Variants in RPN2 observed in about 807,000 individuals in gnomAD.
RPN2 encodes ribophorin II.
A neutral mutation model predicts 71.4 loss-of-function variants in RPN2; 29 were observed. The observed-to-expected ratio is 0.41, with a 90% CI of 0.30 to 0.55. The LOEUF (loss-of-function observed/expected upper bound fraction) is 0.55, where lower values mean the gene tolerates loss of function less well. Ranked by LOEUF, RPN2 falls within the 20% of genes least tolerant of loss-of-function variation. The probability of loss-of-function intolerance (pLI) is 0.35; values close to 1 mark genes in which losing one functional copy is unlikely to be tolerated. For missense variants in RPN2, 726 were observed against 774.1 expected (o/e 0.94, Z 0.74); for synonymous variants, 308 against 305.0 (o/e 1.01, Z -0.10).
intron 2 of RPN2, among the ~76,000 whole-genome samples, chr20:37,194,787 A>G (rs1350041659): frequency 6.6e-6 from 1 of 152,148 alleles, no homozygotes; most frequent in Non-Finnish European, 1.5e-5. Flanking sequence ...CTGGTTAGAA[A>G]GGGTCTGGCG....
intron 2 of RPN2, among the ~76,000 whole-genome samples, chr20:37,195,088 G>C (rs899180274): frequency 2.6e-5 from 4 of 152,140 alleles, no homozygotes; most frequent in Admixed American, 2.0e-4. Context: ...GAAGCAAGCA[G>C]ATCGGGGGTG....
intron 15 of RPN2, among the ~76,000 whole-genome samples, chr20:37,235,659 A>AT (rs2068365555): frequency 6.6e-6 from 1 of 151,864 alleles, no homozygotes; most frequent in Non-Finnish European, 1.5e-5. Flanking sequence ...TTTATTTTTT[A>AT]TTTTTTTGAG....
chr20:37,202,739 C>T (rs751393050), intron 4 of RPN2, among the ~76,000 whole-genome samples: 5 of 152,136 alleles, frequency 3.3e-5, no homozygotes, highest in South Asian at 2.1e-4. Flanking sequence ...AGTGCAGATA[C>T]GTGCTACAAC....
intron 2 of RPN2, among the ~76,000 whole-genome samples, chr20:37,197,845 C>T (rs889891969): frequency 6.6e-6 from 1 of 152,168 alleles, no homozygotes; most frequent in African/African-American, 2.4e-5. Flanking sequence ...AGTCCTGCCT[C>T]AGCCTCCCAA....
intron 16 of RPN2, 147 bp downstream of exon 16, chr20:37,236,856 A>T: frequency 2.6e-6 from 2 of 781,678 alleles, no homozygotes; most frequent in South Asian, 2.9e-5. Context: ...CAGAAGCCAG[A>T]AGCACTTTGA....
At chr20:37,190,541 C>CA (rs1486586847) in intron 2 of RPN2, among the ~76,000 whole-genome samples, 1 of 152,062 alleles carries the variant, frequency 6.6e-6, no homozygotes, top group African/African-American at 2.4e-5. Context: ...GTAGTTAGCA[C>CA]GTTGATGGCA....
intron 5 of RPN2, among the ~76,000 whole-genome samples, 155 bp downstream of exon 5, chr20:37,204,115 T>G (rs113178911): frequency 6.6e-6 from 1 of 152,258 alleles, no homozygotes; most frequent in Non-Finnish European, 1.5e-5. Context: ...TATTGTGTCC[T>G]GAGGAATATT....
intron 8 of RPN2, among the ~76,000 whole-genome samples, chr20:37,210,687 C>T (rs1158004930): frequency 2.6e-5 from 4 of 152,064 alleles, no homozygotes; most frequent in Admixed American, 6.6e-5. Context: ...CCCGCCACCA[C>T]GTCCGGCTAA....
At chr20:37,224,759 C>G (rs1434006136) in intron 10 of RPN2, among the ~76,000 whole-genome samples, 2 of 152,082 alleles carry the variant, frequency 1.3e-5, no homozygotes, top group African/African-American at 4.8e-5. Context: ...GCTATAGAGG[C>G]CAGAAGACAG....
At chr20:37,183,068 G>T (rs759302424) in intron 1 of RPN2, among the ~76,000 whole-genome samples, 16 of 152,112 alleles carry the variant, frequency 1.1e-4, no homozygotes, top group Non-Finnish European at 1.8e-4. Flanking sequence ...GTTTAGCAGA[G>T]AAATCAGACA....
chr20:37,190,483 C>T (rs554108376), intron 2 of RPN2, among the ~76,000 whole-genome samples: 6 of 152,210 alleles, frequency 3.9e-5, no homozygotes, highest in African/African-American at 9.6e-5. Context: ...GTTCTGTCAT[C>T]GGTAAGATGG....
chr20:37,230,497 G>A (rs996759248), intron 13 of RPN2, among the ~76,000 whole-genome samples: 2 of 152,196 alleles, frequency 1.3e-5, no homozygotes, highest in African/African-American at 2.4e-5. Context: ...TGTCCTGCAC[G>A]CAGGACTGTT....
chr20:37,218,965 A>G (rs2067886672), intron 9 of RPN2, among the ~76,000 whole-genome samples: 2 of 152,190 alleles, frequency 1.3e-5, no homozygotes, highest in Admixed American at 6.5e-5. Context: ...GGCTCTTATG[A>G]GTAATGCTGC....
At chr20:37,188,803 T>C (rs1417427500) in intron 2 of RPN2, among the ~76,000 whole-genome samples, 1 of 151,422 alleles carries the variant, frequency 6.6e-6, no homozygotes, top group African/African-American at 2.4e-5. Flanking sequence ...TTTTTTAATA[T>C]TTGTAGAGAC....
rs1231253326 is a variant in RPN2 at position 37,228,733 on chromosome 20, C to T, written c.1483C>T (p.Leu495Phe). ...IGDATLKNPI[L>F]WNVADVVIKF... ...AGATGCCACTTTGAAGAACCCAATC[C>T]TCTGGAATGTGGTATGTGCCTGAAT... Residue 495 changes from leucine (L) to phenylalanine (F), a missense_variant, in exon 12 of 17, where the codon CTC (leucine) becomes TTC (phenylalanine). Leu to Phe is a conservative substitution (Grantham distance 22, BLOSUM62 0). Coordinates refer to ENST00000237530, the MANE Select transcript of RPN2 (RefSeq NM_002951.5). 1 of 1,614,168 alleles carries T rather than the reference C, an allele frequency of 6.2e-7. No individual in the cohort carries two copies. Among genetic ancestry groups the T allele is most frequent in the Non-Finnish European group, 8.5e-7 (1 of 1,180,004 alleles).
rs73291757 is a variant in RPN2 at position 37,191,205 on chromosome 20, G to A, written c.207+6832G>A. Among the ~76,000 whole-genome samples, 785 of 152,250 alleles carry A rather than the reference G, an allele frequency of 5.2e-3. 5 individuals carry two copies. Among genetic ancestry groups the A allele is most frequent in the African/African-American group, 0.018 (747 of 41,544 alleles). On this transcript the variant is annotated intron_variant, in intron 2 of 16. Coordinates refer to ENST00000237530, the MANE Select transcript of RPN2 (RefSeq NM_002951.5). ...TAAAGTGTGAGCATCGGCTGGGTGCGGTGTCTCAGGCCTGTAATCTCAGCA... is the reference window on the plus strand; with the variant it reads ...TAAAGTGTGAGCATCGGCTGGGTGCAGTGTCTCAGGCCTGTAATCTCAGCA...
intron 1 of RPN2, among the ~76,000 whole-genome samples, chr20:37,180,974 T>G (rs1431247603): frequency 3.3e-5 from 5 of 152,164 alleles, no homozygotes; most frequent in African/African-American, 1.2e-4. Context: ...CTCACGCCTG[T>G]AATCCCAGCA....
intron 9 of RPN2, among the ~76,000 whole-genome samples, chr20:37,220,478 T>G (rs183766932): frequency 1.9e-4 from 29 of 152,296 alleles, no homozygotes; most frequent in Non-Finnish European, 1.5e-5. Context: ...ACCATCATTT[T>G]TGACAGTAAT....
At position 37,204,916 on chromosome 20, in the gene RPN2, A is replaced by G. The variant is rs1401838968; in HGVS notation, c.690+15A>G. The G allele has an allele frequency of 4.3e-6, 7 of 1,614,014 alleles. No homozygotes were observed. The highest frequency in any genetic ancestry group is 1.1e-5 in the South Asian group (1 of 91,074). ...CCATTAAGGAGGTACCTATCTAACA[A>G]TTTTCAGGCATGAAACCCAAAGGGG... is the stretch of plus-strand genomic sequence containing the variant. On this transcript the variant is annotated intron_variant, in intron 6 of 16. Coordinates refer to ENST00000237530, the MANE Select transcript of RPN2 (RefSeq NM_002951.5).
Sources: allele counts gnomAD v4.1 joint callset (sites outside exome capture counted in the v4.1 genomes callset), GRCh38; gene constraint gnomAD v4.1.1; transcripts MANE v1.5; gene names NCBI Gene and HGNC (gene_info 2026-07-23, HGNC 2026-07-21).